The following APP variants were observed in gnomAD, a reference collection of about 807,000 sequenced individuals.
APP encodes the protein amyloid-beta precursor protein.
In APP, 31 loss-of-function variants were observed where a neutral mutation model predicts 101.4. The ratio of observed to expected loss-of-function variants is 0.31; its 90% confidence interval spans 0.23 to 0.41. APP has a LOEUF of 0.41. Ranked by LOEUF, APP falls within the 10% of genes least tolerant of loss-of-function variation. The probability of loss-of-function intolerance (pLI) is 1.00; values close to 1 mark genes in which losing one functional copy is unlikely to be tolerated. For missense variants in APP, 839 were observed against 1,003.7 expected (o/e 0.84, Z 2.22); for synonymous variants, 366 against 364.4 (o/e 1.00, Z -0.05).
At position 25,918,688 on chromosome 21, in the gene APP, C is replaced by T. The variant is rs1263271152; in HGVS notation, c.1688-6726G>A. Among the ~76,000 whole-genome samples, 6 of 151,682 alleles carry T rather than the reference C, an allele frequency of 4.0e-5. No homozygotes were observed. The East Asian group carries it at 5.9e-4, about 15-fold the overall frequency. ...CTTTTCAGACCGGCTTAAGAAACGG[C>T]GCACCACGAGACTATATCCCACACC... is the stretch of plus-strand genomic sequence containing the variant. On this transcript the variant is annotated intron_variant, in intron 13 of 17. Coordinates refer to ENST00000346798, the MANE Select transcript of APP (RefSeq NM_000484.4).
chr21:25,892,905 G>A (rs2037786555), intron 16 of APP, among the ~76,000 whole-genome samples: 1 of 151,526 alleles, frequency 6.6e-6, no homozygotes, highest in Non-Finnish European at 1.5e-5. Flanking sequence ...TGAAAATACA[G>A]GCATACATAG....
intron 13 of APP, 124 bp from the exon 14 acceptor site, chr21:25,912,086 G>T: frequency 1.3e-6 from 1 of 763,304 alleles, no homozygotes. Context: ...ATCGCGTTTA[G>T]AGCCATGACA....
intron 9 of APP, among the ~76,000 whole-genome samples, chr21:25,979,430 C>T (rs897900696): frequency 2.6e-5 from 4 of 152,114 alleles, no homozygotes; most frequent in African/African-American, 9.7e-5. Flanking sequence ...AAAATGACTA[C>T]TACTAAGTAG....
rs752806858 is a variant in APP at position 26,039,609 on chromosome 21, C to G, written c.662+11391G>C. Among the ~76,000 whole-genome samples the G allele has an allele frequency of 3.7e-4, 57 of 152,224 alleles. 1 individual carries two copies. The highest frequency in any genetic ancestry group is 5.3e-4 in the Non-Finnish European group (36 of 68,054). On this transcript the variant is annotated intron_variant, in intron 5 of 17. Transcript: ENST00000346798. ...TGAGCCAATCCACAGGCACGTGTGG[C>G]CTACTATATGCTCAACATTCACTTC... is the stretch of plus-strand genomic sequence containing the variant.
At chr21:25,980,613 T>C (rs993497212) in intron 9 of APP, among the ~76,000 whole-genome samples, 1 of 152,216 alleles carries the variant, frequency 6.6e-6, no homozygotes, top group Non-Finnish European at 1.5e-5. Context: ...TTCCTCTTTA[T>C]GTTATTATAC....
chr21:26,082,831 T>C (rs2061623987), intron 3 of APP, among the ~76,000 whole-genome samples: 1 of 151,658 alleles, frequency 6.6e-6, no homozygotes, highest in Non-Finnish European at 1.5e-5. Flanking sequence ...CTGTGGGTGA[T>C]CAATAAAACG....
At chr21:25,910,886 G>C (rs139952268) in intron 14 of APP, among the ~76,000 whole-genome samples, 42 of 152,332 alleles carry the variant, frequency 2.8e-4, no homozygotes, top group African/African-American at 1.0e-3. Context: ...TAAGTAGCCA[G>C]TGAAGACTAC....
chr21:26,047,917 T>C (rs1365380396), intron 5 of APP, among the ~76,000 whole-genome samples: 1 of 152,244 alleles, frequency 6.6e-6, no homozygotes, highest in African/African-American at 2.4e-5. Context: ...TTATTAAATT[T>C]TTCATATTGG....
At chr21:25,918,558 G>A (rs920914782) in intron 13 of APP, among the ~76,000 whole-genome samples, 15 of 152,034 alleles carry the variant, frequency 9.9e-5, no homozygotes, top group Admixed American at 9.3e-4. Context: ...GCGAGGCATT[G>A]CCTCACCTGG....
rs141078764 is a variant in APP, at chr21:25,887,586, A to C, written c.2211+4136T>G. Among the ~76,000 whole-genome samples, 90 of 152,254 alleles carry C rather than the reference A, an allele frequency of 5.9e-4. 1 individual carries two copies. The highest frequency in any genetic ancestry group is 2.0e-3 in the African/African-American group (85 of 41,542). ...TTTCCAAATGCTAACAACTCTACCAATAAAAATACAGTTATGGGCCACATA... is the reference window on the plus strand; with the variant it reads ...TTTCCAAATGCTAACAACTCTACCACTAAAAATACAGTTATGGGCCACATA... On this transcript the variant is annotated intron_variant, in intron 17 of 17. Coordinates refer to ENST00000346798, the MANE Select transcript of APP (RefSeq NM_000484.4).
intron 5 of APP, among the ~76,000 whole-genome samples, chr21:26,032,831 T>A (rs1360470279): frequency 6.6e-6 from 1 of 150,454 alleles, no homozygotes; most frequent in Non-Finnish European, 1.5e-5. Context: ...TAAAGAGCTA[T>A]CCTTTACTGG....
chr21:26,068,660 A>G (rs1464984327), intron 3 of APP, among the ~76,000 whole-genome samples: 3 of 152,112 alleles, frequency 2.0e-5, no homozygotes, highest in Non-Finnish European at 4.4e-5. Flanking sequence ...TGGGCCACTG[A>G]ACTTGGCCCA....
chr21:26,115,180 C>T (rs571114002), intron 1 of APP, among the ~76,000 whole-genome samples: 9 of 152,054 alleles, frequency 5.9e-5, no homozygotes, highest in Non-Finnish European at 1.0e-4. Flanking sequence ...ATTTAAACTG[C>T]GAATCCTCAA....
intron 2 of APP, among the ~76,000 whole-genome samples, chr21:26,105,825 C>T (rs1006393121): frequency 2.6e-5 from 4 of 152,198 alleles, no homozygotes; most frequent in Admixed American, 6.5e-5. Flanking sequence ...TCCCTCACCT[C>T]GCCCTGTCCA....
At chr21:25,903,817 C>T (rs1441891623) in intron 15 of APP, among the ~76,000 whole-genome samples, 5 of 152,220 alleles carry the variant, frequency 3.3e-5, no homozygotes, top group Non-Finnish European at 5.9e-5. Context: ...GACAGAAATT[C>T]ATAAATCAAC....
At chr21:26,117,005 T>C (rs1170586948) in intron 1 of APP, among the ~76,000 whole-genome samples, 1 of 152,114 alleles carries the variant, frequency 6.6e-6, no homozygotes, top group Non-Finnish European at 1.5e-5. Context: ...TGCCTCAGCC[T>C]CCCAAGTAGC....
At chr21:26,158,132 T>C (rs1227818855) in intron 1 of APP, 1 of 152,238 alleles carries the variant, frequency 6.6e-6, no homozygotes, top group Non-Finnish European at 1.5e-5. Flanking sequence ...CTGAACCATC[T>C]AGAGTTCTCT....
chr21:26,022,169 G>A, intron 5 of APP, 127 bp from the exon 6 acceptor site: 3 of 1,138,092 alleles, frequency 2.6e-6, no homozygotes, highest in Non-Finnish European at 2.6e-6. Context: ...AATTCAGCAG[G>A]TCTAAGTATA....
rs45619339 is a variant in APP at position 25,933,881 on chromosome 21, T to C, written c.1687+20709A>G. ...GATAGTGGTTGAAAAAATTTGACAATAGTTCACATTCTTAAAAGTCAAGGA... is the reference window on the plus strand; with the variant it reads ...GATAGTGGTTGAAAAAATTTGACAACAGTTCACATTCTTAAAAGTCAAGGA... On this transcript the variant is annotated intron_variant, in intron 13 of 17. Transcript: ENST00000346798. 12 of 152,226 alleles carry C rather than the reference T, an allele frequency of 7.9e-5. No individual in the cohort carries two copies. The East Asian group carries it at 2.3e-3, about 29-fold the overall frequency. 9.4% of individuals were successfully genotyped at this position (152,226 alleles called of 1,614,324 possible). A position where few individuals can be genotyped will look rare whatever the true frequency, so the allele number is the denominator to read the frequency against.
Sources: allele counts gnomAD v4.1 joint callset (sites outside exome capture counted in the v4.1 genomes callset), GRCh38; gene constraint gnomAD v4.1.1; transcripts MANE v1.5; gene names NCBI Gene and HGNC (gene_info 2026-07-23, HGNC 2026-07-21).